LRRFIP2: variants seen among roughly 807,000 people sequenced by gnomAD.
The protein encoded by LRRFIP2 is leucine-rich repeat flightless-interacting protein 2.
A neutral mutation model predicts 125.9 loss-of-function variants in LRRFIP2; 109 were observed. The observed-to-expected ratio is 0.87, with a 90% confidence interval of 0.74 to 1.01. LRRFIP2 has a LOEUF of 1.01. LRRFIP2 is among the 50% of genes least tolerant of loss of function. LRRFIP2 has a pLI of 0.00. For synonymous variants in LRRFIP2, 291 were observed against 293.1 expected (o/e 0.99, Z 0.07); for missense variants, 850 against 862.3 (o/e 0.99, Z 0.18).
chr3:37,101,593 A>T (rs1358676048), intron 15 of LRRFIP2, among the ~76,000 whole-genome samples: 1 of 148,744 alleles, frequency 6.7e-6, no homozygotes, highest in African/African-American at 2.5e-5. Context: ...TGAGCCCAGG[A>T]GGTTGAAGTT....
At position 37,105,467 on chromosome 3, in the gene LRRFIP2, T is replaced by C. The variant is rs138464597; in HGVS notation, c.771A>G (p.Arg257=). Residue 257 remains arginine (R), a synonymous_variant, in exon 14 of 28, where the codon CGA becomes CGG. Transcript: ENST00000336686. Reference sequence around the variant, plus strand: ...AAATCATGCTCACCACACTCTCCCTTCGTCCACGACTGGCACGATCAGAAG... The same window carrying C: ...AAATCATGCTCACCACACTCTCCCTCCGTCCACGACTGGCACGATCAGAAG... ...IVSSDRASRG[R]RESVVSAADY... The C allele has an allele frequency of 3.1e-6, 5 of 1,613,910 alleles. No homozygotes were observed. Among genetic ancestry groups the C allele is most frequent in the Non-Finnish European group, 4.2e-6 (5 of 1,179,836 alleles).
chr3:37,175,522 C>G (rs1480637306), upstream of LRRFIP2, among the ~76,000 whole-genome samples: 1 of 152,200 alleles, frequency 6.6e-6, no homozygotes, highest in African/African-American at 2.4e-5. Context: ...ACAGGCAGGG[C>G]TGACTGGAGT....
chr3:37,090,660 G>A (rs1333544949), intron 18 of LRRFIP2, among the ~76,000 whole-genome samples: 2 of 152,188 alleles, frequency 1.3e-5, no homozygotes, highest in Non-Finnish European at 2.9e-5. Flanking sequence ...CAAATGCTAT[G>A]TACAACCAAA....
chr3:37,125,047 TA>T (rs11309989), intron 4 of LRRFIP2, among the ~76,000 whole-genome samples: 148,947 of 150,180 alleles, frequency 0.99, 73,869 homozygotes, highest in South Asian at 1. Flanking sequence ...TACAACGCCT[TA>T]AAAAAAAAAA....
At chr3:37,164,001 C>A (rs2096412139) in intron 1 of LRRFIP2, among the ~76,000 whole-genome samples, 1 of 152,130 alleles carries the variant, frequency 6.6e-6, no homozygotes, top group South Asian at 2.1e-4. Flanking sequence ...TAGTTCACAA[C>A]TAATTTTATG....
chr3:37,080,324 AG>A (rs1210098256), intron 19 of LRRFIP2, among the ~76,000 whole-genome samples: 3 of 152,128 alleles, frequency 2.0e-5, no homozygotes, highest in Non-Finnish European at 2.9e-5. Flanking sequence ...TGAACCCGGG[AG>A]GCAGAGGTTG....
intron 26 of LRRFIP2, 32 bp downstream of exon 26, chr3:37,055,054 T>TAAATA: frequency 7.0e-7 from 1 of 1,437,742 alleles, no homozygotes; most frequent in Admixed American, 1.9e-5. Context: ...GAAGGACATT[T>TAAATA]AAATAACTTA....
At chr3:37,054,171 T>C (rs914242479) in intron 27 of LRRFIP2, among the ~76,000 whole-genome samples, 8 of 152,210 alleles carry the variant, frequency 5.3e-5, no homozygotes, top group Non-Finnish European at 1.0e-4. Flanking sequence ...TATATAGAAG[T>C]TGGAGAAATA....
chr3:37,088,023 A>T lies in LRRFIP2; in HGVS notation c.1107+3444T>A, dbSNP rs145596687. On this transcript the variant is annotated intron_variant, in intron 18 of 27. Coordinates refer to ENST00000336686, the MANE Select transcript of LRRFIP2 (RefSeq NM_006309.4). The stretch of plus-strand genomic sequence containing the variant: ...CAATGAATAGAAAATCTGAGGGTAA[A>T]GTCTAGCAATCTGTATTTATTAAAA... Among the ~76,000 whole-genome samples, 954 of 152,352 alleles carry T rather than the reference A, an allele frequency of 6.3e-3. 7 individuals are homozygous for T. Among genetic ancestry groups the T allele is most frequent in the African/African-American group, 0.021 (877 of 41,578 alleles).
At chr3:37,113,521 T>C (rs2094635319) in intron 7 of LRRFIP2, among the ~76,000 whole-genome samples, 1 of 151,958 alleles carries the variant, frequency 6.6e-6, no homozygotes, top group Non-Finnish European at 1.5e-5. Flanking sequence ...AGGATGGTCT[T>C]GAACTCTTGG....
chr3:37,149,831 T>A (rs76740138), intron 1 of LRRFIP2, among the ~76,000 whole-genome samples: 11,649 of 151,750 alleles, frequency 0.077, 843 homozygotes, highest in East Asian at 0.33. Flanking sequence ...TAAAACCCCA[T>A]CTCCACTAAA....
At chr3:37,165,253 A>C (rs914611712) in intron 1 of LRRFIP2, among the ~76,000 whole-genome samples, 6 of 151,796 alleles carry the variant, frequency 4.0e-5, no homozygotes, top group Middle Eastern at 3.2e-3. Flanking sequence ...AAACAAAAAA[A>C]CAAAAAAAAA....
At chr3:37,103,075 G>GA in intron 14 of LRRFIP2, 62 bp from the exon 15 acceptor site, 7 of 1,310,222 alleles carry the variant, frequency 5.3e-6, no homozygotes, top group Non-Finnish European at 6.3e-6. Context: ...AAAAAAATAA[G>GA]AACATTGGCC....
At chr3:37,071,852 A>ACC (rs2091250797) in intron 21 of LRRFIP2, among the ~76,000 whole-genome samples, 1 of 152,138 alleles carries the variant, frequency 6.6e-6, no homozygotes, top group Non-Finnish European at 1.5e-5. Flanking sequence ...GGGACTGCCA[A>ACC]TCAAAGGCCA....
intron 26 of LRRFIP2, among the ~76,000 whole-genome samples, chr3:37,054,764 G>GT (rs2086319688): frequency 6.6e-6 from 1 of 152,306 alleles, no homozygotes; most frequent in Non-Finnish European, 1.5e-5. Context: ...TGACCATATT[G>GT]TTTAAGTGCC....
chr3:37,092,251 A>C (rs2149189002), intron 17 of LRRFIP2, among the ~76,000 whole-genome samples: 1 of 152,234 alleles, frequency 6.6e-6, no homozygotes, highest in East Asian at 1.9e-4. Context: ...TTGTTATATA[A>C]GGTCTATTCT....
At chr3:37,104,987 G>A (rs750749602) in intron 14 of LRRFIP2, among the ~76,000 whole-genome samples, 1 of 152,042 alleles carries the variant, frequency 6.6e-6, no homozygotes, top group Non-Finnish European at 1.5e-5. Flanking sequence ...TGGGATTATA[G>A]GCATGAGCCA....
At chr3:37,072,632 G>A (rs2091425982) in intron 21 of LRRFIP2, among the ~76,000 whole-genome samples, 158 bp downstream of exon 21, 1 of 151,962 alleles carries the variant, frequency 6.6e-6, no homozygotes, top group South Asian at 2.1e-4. Context: ...ACAACGTCAG[G>A]TTTTCCTATG....
chr3:37,058,041 CTCA>C (rs752819627), intron 25 of LRRFIP2, among the ~76,000 whole-genome samples: 30 of 152,264 alleles, frequency 2.0e-4, no homozygotes, highest in East Asian at 1.2e-3. Context: ...TCTGAAACTA[CTCA>C]ATTTAGTGTG....
Sources: gnomAD v4.1 joint callset for allele counts (sites outside exome capture counted in the v4.1 genomes callset) on GRCh38, gnomAD v4.1.1 for gene constraint, MANE v1.5 for transcripts, NCBI Gene and HGNC (gene_info 2026-07-23, HGNC 2026-07-21) for gene names.